KCNA2: variants seen among roughly 807,000 people sequenced by gnomAD.
KCNA2 encodes potassium channel, voltage gated shaker related subfamily A, member 2.
KCNA2 carries 11 observed loss-of-function variants against 33.4 expected under a neutral mutation model. That is an observed-to-expected ratio of 0.33 (90% CI 0.21 to 0.55). KCNA2 has a LOEUF of 0.55. Ranked by LOEUF, KCNA2 falls within the 20% of genes least tolerant of loss-of-function variation. KCNA2 has a pLI of 0.93. For synonymous variants in KCNA2, 222 were observed against 231.3 expected, an observed-to-expected ratio of 0.96 and a Z score of 0.37; for missense variants, 291 against 621.6, an observed-to-expected ratio of 0.47 and a Z score of 5.66.
intron 2 of KCNA2, 118 bp from the exon 3 acceptor site, chr1:110,605,063 CACA>C: frequency 2.2e-6 from 1 of 463,710 alleles, no homozygotes; most frequent in South Asian, 3.8e-5. Flanking sequence ...TCACCACCAC[CACA>C]ACGACAAAGC....
Position 110,600,641 on chromosome 1 carries a change from G to C in KCNA2, c.*2642C>G. The stretch of plus-strand genomic sequence containing the variant: ...GAACATTTTAGAGTCCTGGGCCAAG[G>C]ACACTGTGATAAGATATCTATCCCT... On this transcript the variant is annotated 3_prime_UTR_variant, in exon 3 of 3. Coordinates refer to ENST00000316361, the MANE Select transcript of KCNA2 (RefSeq NM_004974.4). 1.0e-6 allele frequency: 1 copy of C among 985,340 alleles called. No homozygotes were observed. The highest frequency in any genetic ancestry group is 1.2e-6 in the Non-Finnish European group (1 of 829,908). The allele number at this position is 985,340 out of a possible 1,614,324, so 61.0% of individuals were successfully genotyped here.
chr1:110,601,508 G>A lies in KCNA2; in HGVS notation c.*1775C>T. On this transcript the variant is annotated 3_prime_UTR_variant, in exon 3 of 3. Transcript: ENST00000316361. ...TAGAGAGGAGGCCCGGGGTGGGTCT[G>A]GCCCAGGACAGCTGGAACTGTGAGG... 2 of 986,164 alleles carry A rather than the reference G, an allele frequency of 2.0e-6. No individual in the cohort carries two copies. The highest frequency in any genetic ancestry group is 2.4e-6 in the Non-Finnish European group (2 of 830,484). 61.1% of individuals were successfully genotyped at this position (986,164 alleles called of 1,614,324 possible).
At chr1:110,610,994 C>G (rs1162181344), upstream of KCNA2, among the ~76,000 whole-genome samples, 1 of 150,298 alleles carries the variant, frequency 6.7e-6, no homozygotes. Flanking sequence ...CACCCCCTTG[C>G]TTCATAGGGC....
Position 110,601,209 on chromosome 1 carries a change from A to G in KCNA2, c.*2074T>C. On this transcript the variant is annotated 3_prime_UTR_variant, in exon 3 of 3. Transcript: ENST00000316361. ...TAATGGGGAGAGAGTTTGGGTCTGG[A>G]GATCAAAATGATGCCTTTGGATCAT... 1.0e-6 allele frequency: 1 copy of G among 985,338 alleles called. No individual in the cohort carries two copies. Among genetic ancestry groups the G allele is most frequent in the South Asian group, 4.7e-5 (1 of 21,262 alleles). 61.0% of individuals were successfully genotyped at this position (985,338 alleles called of 1,614,324 possible). A position where few individuals can be genotyped will look rare whatever the true frequency, so the allele number is the denominator to read the frequency against.
intron 1 of KCNA2, among the ~76,000 whole-genome samples, chr1:110,612,630 C>T (rs764730014): frequency 1.3e-5 from 2 of 152,206 alleles, no homozygotes; most frequent in Non-Finnish European, 2.9e-5. Context: ...AGACTTGTTC[C>T]CCTCTGGTCT....
At chr1:110,606,140 AC>A (rs1213840150) in intron 1 of KCNA2, 87 bp downstream of exon 1, 3 of 143,274 alleles carry the variant, frequency 2.1e-5, no homozygotes, top group Non-Finnish European at 4.3e-5. Flanking sequence ...GAAGCACCCC[AC>A]CCCCCAGCAC....
chr1:110,629,007 T>C (rs1378549705), intron 1 of KCNA2, among the ~76,000 whole-genome samples: 1 of 152,198 alleles, frequency 6.6e-6, no homozygotes, highest in Non-Finnish European at 1.5e-5. Flanking sequence ...CAAGACCTGA[T>C]GTGTTCTCCT....
intron 1 of KCNA2, among the ~76,000 whole-genome samples, chr1:110,620,467 T>C (rs776110446): frequency 2.0e-5 from 3 of 152,268 alleles, no homozygotes; most frequent in Middle Eastern, 6.8e-3. Flanking sequence ...TCACCTGTCT[T>C]TCCCATTGCG....
chr1:110,615,337 T>G (rs189235450), intron 1 of KCNA2, among the ~76,000 whole-genome samples: 10 of 152,342 alleles, frequency 6.6e-5, no homozygotes, highest in Non-Finnish European at 1.2e-4. Flanking sequence ...AGTAAACTCT[T>G]GTGTGGACAG....
intron 1 of KCNA2, among the ~76,000 whole-genome samples, chr1:110,620,447 GC>G (rs1447938911): frequency 6.6e-6 from 1 of 152,150 alleles, no homozygotes; most frequent in Non-Finnish European, 1.5e-5. Context: ...AGGCATGGCT[GC>G]CCATCGTCTC....
chr1:110,600,703 T>A lies in KCNA2; in HGVS notation c.*2580A>T. On this transcript the variant is annotated 3_prime_UTR_variant, in exon 3 of 3. Transcript: ENST00000316361. ...CAGATATGGGTTGCTTTACCTTCTA[T>A]TTTCCAAAGATCTGTGTCCCTCCCA... 1 of 985,446 alleles carries A rather than the reference T, an allele frequency of 1.0e-6. No homozygotes were observed. Among genetic ancestry groups the A allele is most frequent in the Non-Finnish European group, 1.2e-6 (1 of 829,950 alleles). The allele number at this position is 985,446 out of a possible 1,614,324, so 61.0% of individuals were successfully genotyped here. A position where few individuals can be genotyped will look rare whatever the true frequency, so the allele number is the denominator to read the frequency against.
At position 110,597,762 on chromosome 1, in the gene KCNA2, A is replaced by G. The variant is rs1298985920; in HGVS notation, c.*5521T>C. On this transcript the variant is annotated 3_prime_UTR_variant, in exon 3 of 3. Coordinates refer to ENST00000316361, the MANE Select transcript of KCNA2 (RefSeq NM_004974.4). ...TCAGTCCTGAGAGCAAGATTTTGAA[A>G]GAGCTATTGCTAAAGAAAACAGTCA... 1.0e-6 allele frequency: 1 copy of G among 985,234 alleles called. No homozygotes were observed. Among genetic ancestry groups the G allele is most frequent in the African/African-American group, 1.7e-5 (1 of 57,248 alleles). The allele number at this position is 985,234 out of a possible 1,614,324, so 61.0% of individuals were successfully genotyped here. A position where few individuals can be genotyped will look rare whatever the true frequency, so the allele number is the denominator to read the frequency against.
chr1:110,611,823 G>C (rs1649884207), intron 1 of KCNA2, among the ~76,000 whole-genome samples: 1 of 151,776 alleles, frequency 6.6e-6, no homozygotes, highest in African/African-American at 2.4e-5. Context: ...AGGAATTTGA[G>C]AACAGCCTGG....
At chr1:110,613,655 A>T (rs1271263801) in intron 1 of KCNA2, among the ~76,000 whole-genome samples, 1 of 152,186 alleles carries the variant, frequency 6.6e-6, no homozygotes, top group Non-Finnish European at 1.5e-5. Flanking sequence ...TACTACCAGG[A>T]GGAGGATGCA....
rs199774462 is a variant in KCNA2, at chr1:110,603,269, G to A, written c.*14C>T. The A allele has an allele frequency of 2.5e-6, 4 of 1,588,864 alleles. No homozygotes were observed. In the East Asian group the frequency reaches 8.9e-5, roughly 35 times the overall value. ...TTAGTTCCATTGAGCTGTGAGTACG[G>A]TAATAGGTTTCAATCAGACATCAGT... On this transcript the variant is annotated 3_prime_UTR_variant, in exon 3 of 3. Transcript: ENST00000316361. The surrounding 1 kb of genome is among the most constrained non-coding windows in gnomAD (Gnocchi z 5.7).
At chr1:110,626,533 T>C (rs552773344) in intron 1 of KCNA2, among the ~76,000 whole-genome samples, 1 of 152,198 alleles carries the variant, frequency 6.6e-6, no homozygotes, top group African/African-American at 2.4e-5. Context: ...GACATCTCAG[T>C]GTGTACCTTT....
At position 110,601,453 on chromosome 1, in the gene KCNA2, G is replaced by GA. The variant is rs1649338366; in HGVS notation, c.*1829dup. 1 of 985,418 alleles carries GA rather than the reference G, an allele frequency of 1.0e-6. No homozygotes were observed. Among genetic ancestry groups the GA allele is most frequent in the Admixed American group, 6.1e-5 (1 of 16,266 alleles). The allele number at this position is 985,418 out of a possible 1,614,324, so 61.0% of individuals were successfully genotyped here. A position where few individuals can be genotyped will look rare whatever the true frequency, so the allele number is the denominator to read the frequency against. ...AGATCCAAGTGGCAAGGGAAGAGGT[G>GA]AAAATGGAGATGATGAACAGGATGA... On this transcript the variant is annotated 3_prime_UTR_variant, in exon 3 of 3. Coordinates refer to ENST00000316361, the MANE Select transcript of KCNA2 (RefSeq NM_004974.4).
intron 1 of KCNA2, among the ~76,000 whole-genome samples, chr1:110,629,741 T>A (rs1650496670): frequency 6.6e-6 from 1 of 152,206 alleles, no homozygotes; most frequent in African/African-American, 2.4e-5. Context: ...AATTCACTCA[T>A]TAATTTATAT....
In KCNA2 at chr1:110,601,475, A is replaced by G; in HGVS notation, c.*1808T>C. On this transcript the variant is annotated 3_prime_UTR_variant, in exon 3 of 3. Transcript: ENST00000316361. Reference sequence around the variant, plus strand: ...GGTGAAAATGGAGATGATGAACAGGATGAACTGTAGAGAGGAGGCCCGGGG... The same window carrying G: ...GGTGAAAATGGAGATGATGAACAGGGTGAACTGTAGAGAGGAGGCCCGGGG... 4.1e-6 allele frequency: 4 copies of G among 985,740 alleles called. No homozygotes were observed. Among genetic ancestry groups the G allele is most frequent in the Non-Finnish European group, 4.8e-6 (4 of 830,162 alleles). 61.1% of individuals were successfully genotyped at this position (985,740 alleles called of 1,614,324 possible).
Sources: allele counts gnomAD v4.1 joint callset (sites outside exome capture counted in the v4.1 genomes callset), GRCh38; gene constraint gnomAD v4.1.1; non-coding constraint Gnocchi (gnomAD v3.1); transcripts MANE v1.5; gene names NCBI Gene and HGNC (gene_info 2026-07-23, HGNC 2026-07-21).